The following ZC3H6 variants were observed in gnomAD, a reference collection of about 807,000 sequenced individuals.
ZC3H6 encodes zinc finger CCCH-type containing 6.
A neutral mutation model predicts 107.7 loss-of-function variants in ZC3H6; 40 were observed. That is an observed-to-expected ratio of 0.37 (90% CI 0.29 to 0.48). The LOEUF (loss-of-function observed/expected upper bound fraction) is 0.48, where lower values mean the gene tolerates loss of function less well. Ranked by LOEUF, ZC3H6 falls within the 20% of genes least tolerant of loss-of-function variation. The pLI is 0.98. For missense variants in ZC3H6, 1,267 were observed against 1,410.4 expected (o/e 0.90, Z 1.63); for synonymous variants, 493 against 487.9 (o/e 1.01, Z -0.14).
In ZC3H6 at chr2:112,332,003, T is replaced by C; in HGVS notation, c.3085T>C (p.Ser1029Pro). ...TCTGCCTCCATATGCCCCTAAACTC[T>C]CTTCCTCAGCTGGCCTTCCACTGGG... ...GALPPYAPKL[S>P]SSAGLPLGTS... The change falls in exon 12 of 12, where the codon TCT (serine) becomes CCT (proline). Residue 1029 changes from serine (S) to proline (P), a missense_variant. By Grantham distance (74) the Ser-to-Pro change is moderately conservative (BLOSUM62 -1). This residue lies in a region of ZC3H6 where 925 missense variants were observed against 1,025.7 expected (regional missense o/e 0.90). Coordinates refer to ENST00000409871, the MANE Select transcript of ZC3H6 (RefSeq NM_198581.3). 6.2e-7 allele frequency: 1 copy of C among 1,613,982 alleles called. No homozygotes were observed. Among genetic ancestry groups the C allele is most frequent in the Non-Finnish European group, 8.5e-7 (1 of 1,179,884 alleles).
At chr2:112,329,119 GT>G (rs1327849070) in intron 11 of ZC3H6, among the ~76,000 whole-genome samples, 1 of 152,012 alleles carries the variant, frequency 6.6e-6, no homozygotes, top group East Asian at 1.9e-4. Context: ...GTTTACTTGT[GT>G]TTGTGTTAAT....
At chr2:112,281,111 T>A (rs1353909883) in intron 1 of ZC3H6, among the ~76,000 whole-genome samples, 1 of 152,058 alleles carries the variant, frequency 6.6e-6, no homozygotes, top group Admixed American at 6.6e-5. Flanking sequence ...AAAATAAACA[T>A]GAAAAACAGA....
At chr2:112,278,560 C>T (rs1686470065) in intron 1 of ZC3H6, among the ~76,000 whole-genome samples, 1 of 152,174 alleles carries the variant, frequency 6.6e-6, no homozygotes, top group African/African-American at 2.4e-5. Context: ...CTCAAGTGAT[C>T]CACCAGCCTT....
intron 1 of ZC3H6, 77 bp from the exon 2 acceptor site, chr2:112,299,772 G>C: frequency 2.6e-6 from 3 of 1,164,434 alleles, no homozygotes; most frequent in Non-Finnish European, 3.4e-6. Flanking sequence ...CTTGGCATAT[G>C]CTTTTTTTCT....
chr2:112,295,860 A>T (rs1036731504), intron 1 of ZC3H6, among the ~76,000 whole-genome samples: 7 of 152,198 alleles, frequency 4.6e-5, no homozygotes, highest in Non-Finnish European at 8.8e-5. Flanking sequence ...ACATGAGTTT[A>T]TGGGCATTTT....
intron 2 of ZC3H6, among the ~76,000 whole-genome samples, chr2:112,302,178 A>G (rs1293782124): frequency 2.0e-5 from 3 of 152,148 alleles, no homozygotes; most frequent in African/African-American, 4.8e-5. Context: ...ATGGTGACTG[A>G]GCAAACATGG....
rs557004552 is a variant in ZC3H6 at position 112,331,382 on chromosome 2, G to A, written c.2464G>A (p.Asp822Asn). ...AGTNVKHKRG[D>N]DDDEDTEREL... Reference sequence around the variant, plus strand: ...CACTAATGTCAAACACAAAAGAGGCGATGATGATGATGAAGATACAGAAAG... The same window carrying A: ...CACTAATGTCAAACACAAAAGAGGCAATGATGATGATGAAGATACAGAAAG... The change falls in exon 12 of 12, where the codon GAT becomes AAT. Residue 822 changes from aspartate to asparagine, a missense_variant. Around this residue, in one of 3 missense-constraint regions of ZC3H6, gnomAD observed 925 missense variants for 1,025.7 expected, o/e 0.90. Coordinates refer to ENST00000409871, the MANE Select transcript of ZC3H6 (RefSeq NM_198581.3). 17 of 1,613,344 alleles carry A rather than the reference G, an allele frequency of 1.1e-5. No homozygotes were observed. The highest frequency in any genetic ancestry group is 6.6e-5 in the South Asian group (6 of 90,974).
chr2:112,311,742 AC>A, intron 4 of ZC3H6, 61 bp from the exon 5 acceptor site: 3 of 1,447,396 alleles, frequency 2.1e-6, no homozygotes, highest in African/African-American at 1.4e-5. Flanking sequence ...TTCCTTATAA[AC>A]TAATAAATTG....
At chr2:112,283,292 A>T (rs779552282) in intron 1 of ZC3H6, among the ~76,000 whole-genome samples, 1 of 152,176 alleles carries the variant, frequency 6.6e-6, no homozygotes, top group Non-Finnish European at 1.5e-5. Context: ...AGCTTTCTCT[A>T]TTATAAATGA....
At chr2:112,317,354 T>C (rs758483333) in intron 7 of ZC3H6, 22 bp downstream of exon 7, 2 of 1,290,118 alleles carry the variant, frequency 1.6e-6, no homozygotes, top group Non-Finnish European at 2.1e-6. Context: ...TTAAAATGTA[T>C]GTTAAATAAA....
intron 1 of ZC3H6, among the ~76,000 whole-genome samples, chr2:112,294,641 TA>T (rs924758420): frequency 2.0e-5 from 3 of 150,892 alleles, no homozygotes; most frequent in South Asian, 2.1e-4. Context: ...TAGGCAAGCA[TA>T]AAAAAAAAGC....
At chr2:112,282,442 A>T (rs1376912208) in intron 1 of ZC3H6, among the ~76,000 whole-genome samples, 1 of 152,226 alleles carries the variant, frequency 6.6e-6, no homozygotes, top group Non-Finnish European at 1.5e-5. Context: ...TTGCTATGTG[A>T]CAGGTACTGT....
At position 112,325,310 on chromosome 2, in the gene ZC3H6, A is replaced by G; in HGVS notation, c.2086+113A>G. The G allele has an allele frequency of 3.2e-6, 3 of 946,224 alleles. No individual in the cohort carries two copies. In the South Asian group the frequency reaches 4.9e-5, roughly 16 times the overall value. The allele number at this position is 946,224 out of a possible 1,614,324, so 58.6% of individuals were successfully genotyped here. ...GGAGTTCGAGACCAACCTGGCCAAC[A>G]TGGTGAAACCCCATCTCTACTAAAA... On this transcript the variant is annotated intron_variant, in intron 11 of 11. Transcript: ENST00000409871.
At chr2:112,290,719 T>C (rs1205003468) in intron 1 of ZC3H6, among the ~76,000 whole-genome samples, 1 of 152,236 alleles carries the variant, frequency 6.6e-6, no homozygotes, top group Non-Finnish European at 1.5e-5. Flanking sequence ...GAATTATGGC[T>C]GCAGATATTT....
At chr2:112,310,835 A>G (rs543692192) in intron 4 of ZC3H6, among the ~76,000 whole-genome samples, 3 of 152,330 alleles carry the variant, frequency 2.0e-5, no homozygotes, top group African/African-American at 7.2e-5. Context: ...CTACCCTTTA[A>G]TTATCTTTGC....
intron 1 of ZC3H6, among the ~76,000 whole-genome samples, chr2:112,286,675 G>A (rs1686617512): frequency 6.6e-6 from 1 of 152,232 alleles, no homozygotes; most frequent in Admixed American, 6.5e-5. Context: ...CTGGGCTCAA[G>A]TGATCTGCCC....
chr2:112,328,590 A>C (rs561051443), intron 11 of ZC3H6, among the ~76,000 whole-genome samples: 1 of 152,312 alleles, frequency 6.6e-6, no homozygotes, highest in South Asian at 2.1e-4. Flanking sequence ...ATCACAGGAG[A>C]ATGAAGGATT....
intron 11 of ZC3H6, among the ~76,000 whole-genome samples, chr2:112,329,452 C>G (rs773491096): frequency 6.6e-6 from 1 of 152,182 alleles, no homozygotes; most frequent in Non-Finnish European, 1.5e-5. Context: ...ACAAATCCAT[C>G]TGTAGATTTC....
At position 112,309,967 on chromosome 2, in the gene ZC3H6, A is replaced by G. The variant is rs140719070; in HGVS notation, c.419A>G (p.Tyr140Cys). The G allele has an allele frequency of 6.2e-6, 10 of 1,612,250 alleles. No homozygotes were observed. In the East Asian group the frequency reaches 2.0e-4, roughly 32 times the overall value. The change falls in exon 4 of 12, where the codon TAC becomes TGC. Residue 140 changes from tyrosine to cysteine, a missense_variant. Coordinates refer to ENST00000409871, the MANE Select transcript of ZC3H6 (RefSeq NM_198581.3). ...TTTAAAAGTAAAGAATATGATGAGT[A>G]CAGCACCTACAGTGATGACAACTTC... ...KKFKSKEYDE[Y>C]STYSDDNFGN...
Sources: gnomAD v4.1 joint callset for allele counts (sites outside exome capture counted in the v4.1 genomes callset) on GRCh38, gnomAD v4.1.1 for gene constraint, gnomAD v4.1.1 regional missense constraint, MANE v1.5 for transcripts, NCBI Gene and HGNC (gene_info 2026-07-23, HGNC 2026-07-21) for gene names.